ESRRG: variants seen among roughly 807,000 people sequenced by gnomAD.
The protein encoded by ESRRG is estrogen-related receptor gamma.
In ESRRG, 13 loss-of-function variants were observed where a neutral mutation model predicts 44.0. The observed-to-expected ratio is 0.30, with a 90% confidence interval of 0.19 to 0.47. ESRRG has a LOEUF of 0.47. Among genes scored for constraint, ESRRG ranks in the 20% least tolerant of loss-of-function variants. ESRRG has a pLI of 1.00. For missense variants in ESRRG, 395 were observed against 580.6 expected, an observed-to-expected ratio of 0.68 and a Z score of 3.29; for synonymous variants, 215 against 214.6, an observed-to-expected ratio of 1.00 and a Z score of -0.02.
At chr1:216,820,907 C>T (rs539607794) in intron 2 of ESRRG, among the ~76,000 whole-genome samples, 64 of 152,286 alleles carry the variant, frequency 4.2e-4, no homozygotes, top group Non-Finnish European at 8.5e-4. Flanking sequence ...CTCTTGTCTA[C>T]TTATCCTCTT....
intron 2 of ESRRG, among the ~76,000 whole-genome samples, chr1:216,917,670 T>C (rs987405576): frequency 2.0e-5 from 3 of 152,188 alleles, no homozygotes; most frequent in African/African-American, 4.8e-5. Context: ...TTAGCCATCA[T>C]AGAAGTCACC....
At chr1:216,714,929 A>G (rs2084493377) in intron 1 of ESRRG, 1 of 231,660 alleles carries the variant, frequency 4.3e-6, no homozygotes, top group Admixed American at 6.5e-5. Flanking sequence ...TCGGAAATCT[A>G]CTTGAATGAC....
intron 1 of ESRRG, among the ~76,000 whole-genome samples, chr1:216,685,235 C>A (rs928820767): frequency 6.8e-6 from 1 of 148,144 alleles, no homozygotes; most frequent in Non-Finnish European, 1.5e-5. Flanking sequence ...CAAAAGGTTT[C>A]TATGAGATTT....
upstream of ESRRG, among the ~76,000 whole-genome samples, chr1:217,091,489 A>G (rs555786242): frequency 1.3e-5 from 2 of 152,386 alleles, no homozygotes; most frequent in Admixed American, 1.3e-4. Context: ...TCCAAGAATC[A>G]TTCGCAAATT....
At chr1:216,574,415 G>C (rs949433575) in intron 3 of ESRRG, among the ~76,000 whole-genome samples, 2 of 152,088 alleles carry the variant, frequency 1.3e-5, no homozygotes, top group Non-Finnish European at 2.9e-5. Context: ...GGTCTTCTTA[G>C]GTCAGCTAAT....
chr1:216,648,322 G>A (rs571069908), intron 3 of ESRRG, among the ~76,000 whole-genome samples: 1 of 152,256 alleles, frequency 6.6e-6, no homozygotes, highest in Non-Finnish European at 1.5e-5. Context: ...GTTGTGGGAG[G>A]TGGGGGGAGG....
At chr1:216,972,587 A>G (rs1459646255) in intron 1 of ESRRG, among the ~76,000 whole-genome samples, 1 of 152,206 alleles carries the variant, frequency 6.6e-6, no homozygotes, top group Non-Finnish European at 1.5e-5. Flanking sequence ...TGTCTGGGTC[A>G]CTGACATGCT....
chr1:216,657,588 G>A (rs965580557), intron 2 of ESRRG, among the ~76,000 whole-genome samples: 3 of 152,132 alleles, frequency 2.0e-5, no homozygotes, highest in Admixed American at 2.0e-4. Flanking sequence ...GCTATTGTGA[G>A]ACTCTGTCTC....
intron 2 of ESRRG, among the ~76,000 whole-genome samples, chr1:216,747,029 C>T (rs1011528199): frequency 6.6e-6 from 1 of 152,130 alleles, no homozygotes; most frequent in Admixed American, 6.6e-5. Flanking sequence ...ATAAAACAGG[C>T]TTCATAGAAT....
intron 2 of ESRRG, among the ~76,000 whole-genome samples, chr1:216,934,255 G>A (rs547439515): frequency 1.2e-4 from 18 of 152,186 alleles, no homozygotes; most frequent in East Asian, 5.8e-4. Context: ...CCAACATGGC[G>A]AAACCCCGTC....
At chr1:216,664,952 TAGCCAAGAGATGGAAGCAACATAAATGTC>T (rs1486492704) in intron 2 of ESRRG, among the ~76,000 whole-genome samples, 1 of 152,146 alleles carries the variant, frequency 6.6e-6, no homozygotes, top group Non-Finnish European at 1.5e-5. Context: ...TTATTTACAA[TAGCCAAGAGATGGAAGCAACATAAATGTC>T]AGCCAAGAGA....
At chr1:216,804,927 G>A (rs1485976088) in intron 2 of ESRRG, 1 of 152,150 alleles carries the variant, frequency 6.6e-6, no homozygotes, top group Non-Finnish European at 1.5e-5. Flanking sequence ...TACAAATAGA[G>A]GAACATTGTA....
rs185021947 is a variant in ESRRG at position 216,718,949 on chromosome 1, A to T, written c.56+4295T>A. On this transcript the variant is annotated intron_variant, in intron 1 of 6. Coordinates refer to ENST00000408911, the MANE Select transcript of ESRRG (RefSeq NM_001438.4). ...ATTTGATATTAATTGGTTTAATAGA[A>T]ATCATTGCTATTAATTGCCATTTGT... Among the ~76,000 whole-genome samples the T allele has an allele frequency of 9.1e-4, 139 of 152,162 alleles. 1 individual carries two copies. The highest frequency in any genetic ancestry group is 3.0e-3 in the African/African-American group (125 of 41,570).
chr1:216,755,531 T>C (rs1438280750), intron 2 of ESRRG, among the ~76,000 whole-genome samples: 1 of 152,074 alleles, frequency 6.6e-6, no homozygotes, highest in Non-Finnish European at 1.5e-5. Context: ...CATATTATAC[T>C]GTGGTTGGTG....
intron 1 of ESRRG, among the ~76,000 whole-genome samples, chr1:217,098,823 C>T (rs2092462516): frequency 2.0e-5 from 3 of 152,232 alleles, no homozygotes; most frequent in Non-Finnish European, 4.4e-5. Context: ...GACTAACATC[C>T]CATGGAATGT....
At chr1:216,869,781 A>T (rs562620724) in intron 2 of ESRRG, among the ~76,000 whole-genome samples, 1 of 152,024 alleles carries the variant, frequency 6.6e-6, no homozygotes, top group Admixed American at 6.6e-5. Context: ...TATTAAATGT[A>T]TAACTATATA....
chr1:216,906,637 T>C (rs1466449269), intron 2 of ESRRG, among the ~76,000 whole-genome samples: 2 of 152,214 alleles, frequency 1.3e-5, no homozygotes, highest in East Asian at 3.8e-4. Flanking sequence ...CTTATCATAA[T>C]GAAAAGATTA....
intron 1 of ESRRG, among the ~76,000 whole-genome samples, chr1:216,692,943 A>G (rs1190988518): frequency 6.6e-6 from 1 of 152,194 alleles, no homozygotes; most frequent in Non-Finnish European, 1.5e-5. Context: ...ATGTTCACGT[A>G]AGGAAACTGC....
At chr1:216,871,195 T>C (rs934308652) in intron 2 of ESRRG, among the ~76,000 whole-genome samples, 1 of 152,048 alleles carries the variant, frequency 6.6e-6, no homozygotes, top group Non-Finnish European at 1.5e-5. Context: ...TTCATTTTCA[T>C]TCAGTTAAAA....
Sources: allele counts gnomAD v4.1 joint callset (sites outside exome capture counted in the v4.1 genomes callset), GRCh38; gene constraint gnomAD v4.1.1; transcripts MANE v1.5; gene names NCBI Gene and HGNC (gene_info 2026-07-23, HGNC 2026-07-21).